Variants in CEP164 observed in about 807,000 individuals in gnomAD.
CEP164 encodes centrosomal protein 164.
A neutral mutation model predicts 182.7 loss-of-function variants in CEP164; 162 were observed. The ratio of observed to expected loss-of-function variants is 0.89; its 90% CI spans 0.78 to 1.01. CEP164 has a LOEUF of 1.01. CEP164 is among the 50% of genes least tolerant of loss of function. The probability of loss-of-function intolerance (pLI) is 0.00; values close to 1 mark genes in which losing one functional copy is unlikely to be tolerated. For missense variants in CEP164, 1,735 were observed against 1,790.4 expected, an observed-to-expected ratio of 0.97 and a Z score of 0.56; for synonymous variants, 661 against 690.0, an observed-to-expected ratio of 0.96 and a Z score of 0.66.
intron 30 of CEP164, 156 bp from the exon 31 acceptor site, chr11:117,410,672 A>G: frequency 1.8e-6 from 1 of 550,790 alleles, no homozygotes; most frequent in South Asian, 3.1e-5. Context: ...AGTTTTAAAA[A>G]TAAAATAAAT....
At position 117,409,929 on chromosome 11, in the gene CEP164, G is replaced by A. The variant is rs200520898; in HGVS notation, c.4060G>A (p.Asp1354Asn). Reference sequence around the variant, plus strand: ...CTCCTCTGTGGCTCAAACGGTGGACGACTTCCTGTTGGAGAAGTGGCGCAA... The same window carrying A: ...CTCCTCTGTGGCTCAAACGGTGGACAACTTCCTGTTGGAGAAGTGGCGCAA... ...LPSSVAQTVD[D>N]FLLEKWRKYF... The change falls in exon 30 of 33, where the codon GAC (aspartate) becomes AAC (asparagine). Residue 1354 changes from aspartate to asparagine, a missense_variant. Transcript: ENST00000278935. This position sits in a 1 kb window ranked among gnomAD's most constrained non-coding sequence, Gnocchi z 4.4. The A allele has an allele frequency of 2.0e-4, 321 of 1,614,164 alleles. 1 individual carries two copies. Among genetic ancestry groups the A allele is most frequent in the Middle Eastern group, 1.8e-3 (11 of 6,062 alleles).
intron 1 of CEP164, among the ~76,000 whole-genome samples, chr11:117,331,099 G>C (rs971553141): frequency 1.3e-5 from 2 of 152,212 alleles, no homozygotes; most frequent in Non-Finnish European, 2.9e-5. Flanking sequence ...AATATACAGA[G>C]AACCCTCATT....
intron 27 of CEP164, among the ~76,000 whole-genome samples, chr11:117,404,944 T>C (rs1200186204): frequency 6.6e-6 from 1 of 152,214 alleles, no homozygotes; most frequent in Non-Finnish European, 1.5e-5. Context: ...GGTGACTTTG[T>C]TTACACTGTG....
chr11:117,322,921 A>G (rs1438274762), upstream of CEP164, among the ~76,000 whole-genome samples: 2 of 151,974 alleles, frequency 1.3e-5, no homozygotes, highest in Admixed American at 1.3e-4. Context: ...TCACGCCACC[A>G]TGCCCAGCTA....
At chr11:117,395,961 G>A in intron 24 of CEP164, 93 bp from the exon 25 acceptor site, 7 of 1,542,834 alleles carry the variant, frequency 4.5e-6, no homozygotes, top group Non-Finnish European at 5.3e-6. Flanking sequence ...TTGACGGATG[G>A]GAGTGAGGGG....
Position 117,408,921 on chromosome 11 carries a change from C to T in CEP164, c.3641C>T (p.Pro1214Leu), listed in dbSNP as rs1303011767. ...GATGAGGGCACTCTGGGAGGATCCC[C>T]CACCAAGAAGGCAGTAACCTTCGAC... ...ASDEGTLGGS[P>L]TKKAVTFDLS... Residue 1214 changes from proline (P) to leucine (L), a missense_variant, in exon 29 of 33, where the codon CCC becomes CTC. Transcript: ENST00000278935. 1 of 1,613,998 alleles carries T rather than the reference C, an allele frequency of 6.2e-7. No individual in the cohort carries two copies. The highest frequency in any genetic ancestry group is 8.5e-7 in the Non-Finnish European group (1 of 1,180,014).
At chr11:117,395,291 C>G (rs2045290643) in intron 23 of CEP164, 100 bp downstream of exon 23, 2 of 1,412,118 alleles carry the variant, frequency 1.4e-6, no homozygotes, top group Non-Finnish European at 2.0e-6. Flanking sequence ...GTCCAGGGCA[C>G]TGGGGTTCCA....
chr11:117,384,203 A>G (rs1210176098), intron 14 of CEP164, among the ~76,000 whole-genome samples: 1 of 152,206 alleles, frequency 6.6e-6, no homozygotes, highest in Non-Finnish European at 1.5e-5. Flanking sequence ...ATGAGCAGAG[A>G]CAGGTTTATG....
In CEP164 at chr11:117,392,571, C is replaced by G. The variant is rs762097063; in HGVS notation, c.2437C>G (p.Gln813Glu). The G allele has an allele frequency of 1.2e-6, 2 of 1,614,168 alleles. No individual in the cohort carries two copies. Among genetic ancestry groups the G allele is most frequent in the Non-Finnish European group, 1.7e-6 (2 of 1,180,030 alleles). ...GGCCCAGCTGCAGAAGTGCCTTGGG[C>G]AAGTGGAGCACAGAGTTCACCAGAA... is the stretch of plus-strand genomic sequence containing the variant. The part of the protein sequence containing the change: ...EEAQLQKCLG[Q>E]VEHRVHQKSY... Residue 813 changes from glutamine to glutamate, a missense_variant, in exon 19 of 33, where the codon CAA (glutamine) becomes GAA (glutamate). Coordinates refer to ENST00000278935, the MANE Select transcript of CEP164 (RefSeq NM_014956.5).
At chr11:117,353,286 C>A (rs778030341) in intron 5 of CEP164, among the ~76,000 whole-genome samples, 31 of 152,156 alleles carry the variant, frequency 2.0e-4, no homozygotes, top group Non-Finnish European at 4.1e-4. Context: ...TTTTCCCTCC[C>A]CTCCCTGACA....
Position 117,364,893 on chromosome 11 carries a change from C to T in CEP164, c.765+1387C>T, listed in dbSNP as rs548393287. On this transcript the variant is annotated intron_variant, in intron 8 of 32. Transcript: ENST00000278935. ...CAGATACCTTTTGATTATGACTTTA[C>T]AATTTCTTGCCAAATGTGACACTTT... is the stretch of plus-strand genomic sequence containing the variant. Among the ~76,000 whole-genome samples the T allele has an allele frequency of 9.2e-5, 14 of 152,316 alleles. No individual in the cohort carries two copies. The South Asian group carries it at 2.3e-3, about 25-fold the overall frequency.
intron 3 of CEP164, among the ~76,000 whole-genome samples, chr11:117,340,856 C>T (rs2038005387): frequency 1.3e-5 from 2 of 151,988 alleles, no homozygotes; most frequent in South Asian, 2.1e-4. Context: ...TCTTTAGAGA[C>T]GGAGTCTCAC....
At chr11:117,369,299 G>A (rs2041965496) in intron 8 of CEP164, among the ~76,000 whole-genome samples, 1 of 152,224 alleles carries the variant, frequency 6.6e-6, no homozygotes, top group Admixed American at 6.5e-5. Flanking sequence ...TCCTTATGGG[G>A]TAAGCACTAC....
At chr11:117,395,802 A>G (rs2045357174) in intron 24 of CEP164, 80 bp downstream of exon 24, 1 of 1,485,008 alleles carries the variant, frequency 6.7e-7, no homozygotes, top group Non-Finnish European at 9.1e-7. Context: ...GTCATGGCCC[A>G]GTTAATAGGG....
At chr11:117,401,187 T>G (rs2046095532) in intron 27 of CEP164, among the ~76,000 whole-genome samples, 2 of 152,232 alleles carry the variant, frequency 1.3e-5, no homozygotes, top group South Asian at 4.1e-4. Context: ...TTCAAAGTTT[T>G]TAGCATGAAG....
intron 5 of CEP164, chr11:117,355,359 A>G (rs1421823200): frequency 1.6e-6 from 2 of 1,289,754 alleles, no homozygotes; most frequent in Non-Finnish European, 2.0e-6. Context: ...CCAGCCCCTC[A>G]GAACACTGGG....
chr11:117,343,488 CCAAGCTTTTGCAA>C (rs1251555243), intron 3 of CEP164, among the ~76,000 whole-genome samples: 2 of 152,154 alleles, frequency 1.3e-5, no homozygotes, highest in Non-Finnish European at 2.9e-5. Flanking sequence ...TGCTTTTGCA[CCAAGCTTTTGCAA>C]ATCTTGGGAG....
At position 117,355,199 on chromosome 11, in the gene CEP164, G is replaced by A. The variant is rs1216379733; in HGVS notation, c.393+3211G>A. The A allele has an allele frequency of 3.9e-6, 5 of 1,289,824 alleles. No homozygotes were observed. In the East Asian group the frequency reaches 2.8e-4, roughly 72 times the overall value. 79.9% of individuals were successfully genotyped at this position (1,289,824 alleles called of 1,614,324 possible). A position where few individuals can be genotyped will look rare whatever the true frequency, so the allele number is the denominator to read the frequency against. On this transcript the variant is annotated intron_variant, in intron 5 of 32. Transcript: ENST00000278935. ...CTTTGCTGACATGGAGAAAATCTTA[G>A]GCAGGGCCCCAGCCCAATGCAGGAG...
chr11:117,405,202 GA>G (rs914246994), intron 27 of CEP164, among the ~76,000 whole-genome samples: 3 of 152,098 alleles, frequency 2.0e-5, no homozygotes, highest in Admixed American at 6.6e-5. Flanking sequence ...ACTGGGGTAT[GA>G]AAAAAACTCC....
Sources: allele counts gnomAD v4.1 joint callset (sites outside exome capture counted in the v4.1 genomes callset), GRCh38; gene constraint gnomAD v4.1.1; non-coding constraint Gnocchi (gnomAD v3.1); transcripts MANE v1.5; gene names NCBI Gene and HGNC (gene_info 2026-07-23, HGNC 2026-07-21).